The following KDM4B variants were observed in gnomAD, a reference collection of about 807,000 sequenced individuals.
KDM4B encodes lysine demethylase 4B, also known as lysine-specific demethylase 4B.
Under a neutral mutation model 125.2 loss-of-function variants are expected in KDM4B, and 32 were observed. That is an observed-to-expected ratio of 0.26 (90% confidence interval 0.19 to 0.34). KDM4B has a LOEUF of 0.34. KDM4B is among the 10% of genes least tolerant of loss of function. The pLI is 1.00. For synonymous variants in KDM4B, 721 were observed against 677.9 expected, an observed-to-expected ratio of 1.06 and a Z score of -0.99; for missense variants, 1,190 against 1,577.7, an observed-to-expected ratio of 0.75 and a Z score of 4.16.
rs186476019 is a variant in KDM4B, at chr19:4,986,664, C to T, written c.-109+17434C>T. On this transcript the variant is annotated intron_variant, in intron 1 of 22. Coordinates refer to ENST00000159111, the MANE Select transcript of KDM4B (RefSeq NM_015015.3). ...CCTCGAGGGGCGGCGCTGCTTTAGC[C>T]GGGGGAACAGGGAGGGCCTCTCCCA... is the stretch of plus-strand genomic sequence containing the variant. Among the ~76,000 whole-genome samples the T allele has an allele frequency of 2.1e-3, 319 of 152,316 alleles. 2 individuals carry two copies. The highest frequency in any genetic ancestry group is 0.01 in the Middle Eastern group (3 of 294).
Position 5,141,898 on chromosome 19 carries a change from C to T in KDM4B, c.2551-2069C>T, listed in dbSNP as rs1036231740. ...CCTCCAGGGCAGCAGGAGGGGTGGG[C>T]AGTTGCACCAGCTCTCTCCACTGCC... On this transcript the variant is annotated intron_variant, in intron 18 of 22. Coordinates refer to ENST00000159111, the MANE Select transcript of KDM4B (RefSeq NM_015015.3). This position sits in a 1 kb window ranked among gnomAD's most constrained non-coding sequence, Gnocchi z 6.4. 6.6e-6 allele frequency among the ~76,000 whole-genome samples: 1 copy of T among 152,060 alleles called. No individual in the cohort carries two copies. The highest frequency in any genetic ancestry group is 2.4e-5 in the African/African-American group (1 of 41,398).
At chr19:5,025,130 G>A (rs1296953432) in intron 2 of KDM4B, among the ~76,000 whole-genome samples, 2 of 152,220 alleles carry the variant, frequency 1.3e-5, no homozygotes, top group Non-Finnish European at 2.9e-5. Flanking sequence ...GCTGGGTTGG[G>A]TTAAGCGGCT....
At chr19:5,089,181 C>T (rs73919736) in intron 9 of KDM4B, among the ~76,000 whole-genome samples, 152 of 152,304 alleles carry the variant, frequency 1.0e-3, no homozygotes, top group African/African-American at 2.8e-3. Context: ...GTAGGGCACA[C>T]GAATCTCACT....
At chr19:5,029,840 T>G (rs2145603283) in intron 2 of KDM4B, among the ~76,000 whole-genome samples, 1 of 152,306 alleles carries the variant, frequency 6.6e-6, no homozygotes, top group African/African-American at 2.4e-5. Flanking sequence ...AAACAATAGT[T>G]TCTTAAAAAG....
At chr19:5,019,512 GGGTGTTGGTGTGCACGTATTGGTGTGCA>G (rs2036014681) in intron 2 of KDM4B, among the ~76,000 whole-genome samples, 1 of 149,296 alleles carries the variant, frequency 6.7e-6, no homozygotes, top group Non-Finnish European at 1.5e-5. Flanking sequence ...ATGTTGGTGT[GGGTGTTGGTGTGCACGTATTGGTGTGCA>G]GGTGTTGGTG....
rs919139919 is a variant in KDM4B at position 5,031,811 on chromosome 19, G to C, written c.-25-1055G>C. Among the ~76,000 whole-genome samples the C allele has an allele frequency of 2.4e-3, 367 of 152,330 alleles. 5 individuals are homozygous for C. Among genetic ancestry groups the C allele is most frequent in the Non-Finnish European group, 4.4e-4 (30 of 68,030 alleles). ...GTGCCCGCAGTGGGGAGTGCCTTCA[G>C]GAGCGGGTGGCTGCACCTTGGTGGC... On this transcript the variant is annotated intron_variant, in intron 2 of 22. Transcript: ENST00000159111.
intron 9 of KDM4B, among the ~76,000 whole-genome samples, chr19:5,098,708 T>C (rs759342862): frequency 2.6e-5 from 4 of 152,018 alleles, no homozygotes; most frequent in Non-Finnish European, 4.4e-5. Flanking sequence ...ATGCCCTCAT[T>C]GATGGGATCA....
At chr19:5,092,136 G>A (rs1370034394) in intron 9 of KDM4B, among the ~76,000 whole-genome samples, 2 of 152,194 alleles carry the variant, frequency 1.3e-5, no homozygotes, top group African/African-American at 4.8e-5. Context: ...TGTTTATGCT[G>A]CATGTCTGGA....
chr19:5,031,021 A>G (rs2036435813), intron 2 of KDM4B, among the ~76,000 whole-genome samples: 1 of 152,178 alleles, frequency 6.6e-6, no homozygotes, highest in Non-Finnish European at 1.5e-5. Flanking sequence ...CTACTGGCCC[A>G]GCTCAGGCCG....
At chr19:5,056,520 C>G (rs563831843) in intron 6 of KDM4B, among the ~76,000 whole-genome samples, 30 of 152,054 alleles carry the variant, frequency 2.0e-4, no homozygotes, top group Middle Eastern at 3.4e-3. Flanking sequence ...ATTCTCCTGC[C>G]TCAGCCTCAC....
intron 9 of KDM4B, among the ~76,000 whole-genome samples, chr19:5,086,261 C>T (rs1159566514): frequency 6.6e-6 from 1 of 151,700 alleles, no homozygotes; most frequent in Non-Finnish European, 1.5e-5. Context: ...AAAAGCCACC[C>T]TCCTGCCCTG....
chr19:5,119,019 A>G, intron 10 of KDM4B: 1 of 687,426 alleles, frequency 1.5e-6, no homozygotes, highest in South Asian at 1.7e-5. Context: ...CAGAGAGAGG[A>G]CCCAGGGAGT....
intron 9 of KDM4B, among the ~76,000 whole-genome samples, chr19:5,101,222 C>CAA (rs751379008): frequency 0.071 from 6,049 of 85,312 alleles, 193 homozygotes; most frequent in Admixed American, 0.1. Context: ...GACTCCGTCT[C>CAA]AAAAAAAAAA....
At chr19:5,026,689 T>C (rs907408295) in intron 2 of KDM4B, among the ~76,000 whole-genome samples, 2 of 151,904 alleles carry the variant, frequency 1.3e-5, no homozygotes, top group Admixed American at 6.6e-5. Context: ...TGGGTCAGGG[T>C]GGGGTAGGCT....
At chr19:5,145,793 C>T (rs1035996208) in intron 21 of KDM4B, among the ~76,000 whole-genome samples, 39 of 152,296 alleles carry the variant, frequency 2.6e-4, no homozygotes, top group African/African-American at 9.1e-4. Context: ...CGAAGCCTCA[C>T]TCAGAGTCAC....
Position 4,997,312 on chromosome 19 carries a change from G to A in KDM4B, c.-108-18945G>A, listed in dbSNP as rs2035232734. Among the ~76,000 whole-genome samples the A allele has an allele frequency of 2.6e-5, 4 of 152,116 alleles. No homozygotes were observed. The highest frequency in any genetic ancestry group is 9.6e-5 in the African/African-American group (4 of 41,502). On this transcript the variant is annotated intron_variant, in intron 1 of 22. Transcript: ENST00000159111. The surrounding 1 kb of genome is among the most constrained non-coding windows in gnomAD (Gnocchi z 4.2). ...TTGCCTGATGTGTCCTTCCCTTTAG[G>A]GCTTCCGAGTTTGTGTCCCACTTAG...
intron 21 of KDM4B, among the ~76,000 whole-genome samples, chr19:5,145,362 C>G (rs1386693314): frequency 6.6e-6 from 1 of 152,060 alleles, no homozygotes; most frequent in Admixed American, 6.5e-5. Context: ...AGGTGGATCA[C>G]TTGAGGTCAG....
chr19:5,059,186 G>A (rs1324730693), intron 6 of KDM4B, among the ~76,000 whole-genome samples: 4 of 152,340 alleles, frequency 2.6e-5, no homozygotes, highest in East Asian at 1.9e-4. Context: ...TGCCGGCGGG[G>A]TTCAGCTCCC....
intron 2 of KDM4B, among the ~76,000 whole-genome samples, chr19:5,027,372 C>T (rs1315811120): frequency 6.6e-6 from 1 of 152,134 alleles, no homozygotes; most frequent in Non-Finnish European, 1.5e-5. Context: ...CGCGTGTCCC[C>T]AAGACAAAAG....
Sources: allele counts gnomAD v4.1 joint callset (sites outside exome capture counted in the v4.1 genomes callset), GRCh38; gene constraint gnomAD v4.1.1; non-coding constraint Gnocchi (gnomAD v3.1); transcripts MANE v1.5; gene names NCBI Gene and HGNC (gene_info 2026-07-23, HGNC 2026-07-21).